The following DLGAP2 variants were observed in gnomAD, a reference collection of about 807,000 sequenced individuals.
DLGAP2 encodes disks large-associated protein 2.
In DLGAP2, 26 loss-of-function variants were observed where a neutral mutation model predicts 100.3. The observed-to-expected ratio is 0.26, with a 90% CI of 0.19 to 0.36. DLGAP2 has a LOEUF of 0.36. DLGAP2 is among the 10% of genes least tolerant of loss of function. The pLI, the probability that DLGAP2 is intolerant of heterozygous loss-of-function variation, is 1.00. For missense variants in DLGAP2, 1,858 were observed against 1,453.2 expected, an observed-to-expected ratio of 1.28 and a Z score of -4.53; for synonymous variants, 886 against 630.1, an observed-to-expected ratio of 1.41 and a Z score of -6.08.
chr8:764,169 C>T (rs745371739), intron 1 of DLGAP2, among the ~76,000 whole-genome samples: 1 of 152,274 alleles, frequency 6.6e-6, no homozygotes, highest in Non-Finnish European at 1.5e-5. Flanking sequence ...GGCTCAGCAC[C>T]GTGCCGCAGC....
At chr8:1,607,812 G>A (rs1238608466) in intron 6 of DLGAP2, among the ~76,000 whole-genome samples, 25 of 143,862 alleles carry the variant, frequency 1.7e-4, no homozygotes, top group East Asian at 8.0e-4. Context: ...ACTCCCACCC[G>A]AATATTGCGC....
chr8:1,049,302 G>C (rs1802605705), intron 2 of DLGAP2, among the ~76,000 whole-genome samples: 1 of 152,066 alleles, frequency 6.6e-6, no homozygotes, highest in Admixed American at 6.6e-5. Flanking sequence ...TGTTAGGATG[G>C]AGGCCTGTTC....
At chr8:1,075,018 A>T (rs904577735) in intron 2 of DLGAP2, among the ~76,000 whole-genome samples, 1 of 145,382 alleles carries the variant, frequency 6.9e-6, no homozygotes, top group Non-Finnish European at 1.5e-5. Context: ...CCAGGGGTGG[A>T]GTGGGGGATG....
intron 3 of DLGAP2, among the ~76,000 whole-genome samples, chr8:1,377,034 C>G (rs78956956): frequency 0.01 from 1,537 of 152,330 alleles, 11 homozygotes; most frequent in South Asian, 0.021. Flanking sequence ...AGTTACTGTG[C>G]GCGGTCCCTG....
intron 2 of DLGAP2, among the ~76,000 whole-genome samples, chr8:989,843 T>G (rs1237053397): frequency 6.6e-6 from 1 of 152,194 alleles, no homozygotes; most frequent in Non-Finnish European, 1.5e-5. Context: ...GGAGGAAGTC[T>G]CTCATGACAC....
chr8:1,248,328 G>A (rs1397621765), intron 2 of DLGAP2, among the ~76,000 whole-genome samples: 15 of 65,434 alleles, frequency 2.3e-4, no homozygotes, highest in South Asian at 5.6e-4. Context: ...GTCGGTGGCC[G>A]GGAAGACCTT....
At chr8:1,441,517 G>T (rs1008899180) in intron 3 of DLGAP2, among the ~76,000 whole-genome samples, 3 of 151,788 alleles carry the variant, frequency 2.0e-5, no homozygotes, top group African/African-American at 7.3e-5. Flanking sequence ...GTGAAACCCC[G>T]TCTCTACTAA....
chr8:1,699,053 A>C (rs528098325), intron 14 of DLGAP2, among the ~76,000 whole-genome samples: 1 of 152,366 alleles, frequency 6.6e-6, no homozygotes, highest in Non-Finnish European at 1.5e-5. Flanking sequence ...TCTGAGGTGA[A>C]GGAGATGATC....
chr8:826,889 C>G (rs1426661961), intron 1 of DLGAP2, among the ~76,000 whole-genome samples: 2 of 152,176 alleles, frequency 1.3e-5, no homozygotes, highest in African/African-American at 2.4e-5. Context: ...TCGCACCAGT[C>G]TTTCTCGTGA....
Position 1,202,131 on chromosome 8 carries a change from GTT to G in DLGAP2, c.74-56719_74-56718del, listed in dbSNP as rs1491494871. On this transcript the variant is annotated intron_variant, in intron 2 of 14. Coordinates refer to ENST00000637795, the MANE Select transcript of DLGAP2 (RefSeq NM_001346810.2). ...ACAGCATCTGTGTATCTGTGTGTCT[GTT>G]GTGTGTGTATACACATGTGGTGTGT... Among the ~76,000 whole-genome samples, 954 of 149,282 alleles carry G rather than the reference GTT, an allele frequency of 6.4e-3. 9 individuals carry two copies. Among genetic ancestry groups the G allele is most frequent in the African/African-American group, 0.023 (905 of 38,880 alleles).
At chr8:848,858 ATAGGATCGCGCGGTGTCTGTTCCAGC>A (rs1797120968) in intron 1 of DLGAP2, among the ~76,000 whole-genome samples, 2 of 147,898 alleles carry the variant, frequency 1.4e-5, no homozygotes, top group Admixed American at 1.4e-4. Context: ...GTGTTCCAGC[ATAGGATCGCGCGGTGTCTGTTCCAGC>A]ATAGGAACGC....
intron 10 of DLGAP2, among the ~76,000 whole-genome samples, chr8:1,674,045 T>G (rs901164965): frequency 2.8e-4 from 42 of 152,308 alleles, no homozygotes; most frequent in Admixed American, 7.2e-4. Flanking sequence ...TGAGGTTATC[T>G]TTAGAACCAT....
intron 2 of DLGAP2, among the ~76,000 whole-genome samples, chr8:1,144,905 G>A (rs904598450): frequency 9.4e-5 from 14 of 148,448 alleles, no homozygotes; most frequent in African/African-American, 2.2e-4. Context: ...CAGTCAAACC[G>A]CAGACGGCCT....
At chr8:794,689 G>C (rs1038637756) in intron 1 of DLGAP2, among the ~76,000 whole-genome samples, 4 of 152,230 alleles carry the variant, frequency 2.6e-5, no homozygotes, top group Admixed American at 6.5e-5. Flanking sequence ...GGGCCATTAT[G>C]AATATGTTAC....
chr8:1,002,756 G>A (rs1484179038), intron 2 of DLGAP2: 1 of 152,380 alleles, frequency 6.6e-6, no homozygotes, highest in Non-Finnish European at 1.5e-5. Flanking sequence ...GGCGCACAGT[G>A]GCTGACAGGA....
At chr8:1,633,671 T>TAC (rs1457139385) in intron 8 of DLGAP2, among the ~76,000 whole-genome samples, 3 of 152,092 alleles carry the variant, frequency 2.0e-5, no homozygotes, top group Non-Finnish European at 4.4e-5. Context: ...ACACGATGAA[T>TAC]ACACATGGCC....
chr8:1,022,476 C>T (rs1312906554), intron 2 of DLGAP2, among the ~76,000 whole-genome samples: 1 of 149,310 alleles, frequency 6.7e-6, no homozygotes, highest in Non-Finnish European at 1.5e-5. Context: ...AGCCGCCATC[C>T]ATCCTCCCTG....
At chr8:1,188,672 G>C (rs1023982154) in intron 2 of DLGAP2, among the ~76,000 whole-genome samples, 1 of 152,030 alleles carries the variant, frequency 6.6e-6, no homozygotes, top group Non-Finnish European at 1.5e-5. Context: ...CCAGCACTCC[G>C]GGGGCAGGAA....
intron 2 of DLGAP2, among the ~76,000 whole-genome samples, chr8:964,672 G>C (rs577019755): frequency 1.1e-3 from 173 of 152,324 alleles, no homozygotes; most frequent in African/African-American, 4.0e-3. Flanking sequence ...TCCTTCTTCA[G>C]GGGTCCCAGT....
Sources: gnomAD v4.1 joint callset for allele counts (sites outside exome capture counted in the v4.1 genomes callset) on GRCh38, gnomAD v4.1.1 for gene constraint, MANE v1.5 for transcripts, NCBI Gene and HGNC (gene_info 2026-07-23, HGNC 2026-07-21) for gene names.